The following CSMD1 variants were observed in gnomAD, a reference collection of about 807,000 sequenced individuals.
CSMD1 encodes CUB and Sushi multiple domains 1.
In CSMD1, 213 loss-of-function variants were observed where a neutral mutation model predicts 417.5. The observed-to-expected ratio is 0.51, with a 90% CI of 0.46 to 0.57. The LOEUF is 0.57. Ranked by LOEUF, CSMD1 falls within the 20% of genes least tolerant of loss-of-function variation. The pLI, the probability that CSMD1 is intolerant of heterozygous loss-of-function variation, is 0.00. For missense variants in CSMD1, 6,923 were observed against 4,529.7 expected (o/e 1.53, Z -15.17); for synonymous variants, 2,862 against 1,736.8 (o/e 1.65, Z -16.11).
At chr8:4,351,459 G>C (rs567132879) in intron 3 of CSMD1, among the ~76,000 whole-genome samples, 31 of 152,352 alleles carry the variant, frequency 2.0e-4, no homozygotes, top group African/African-American at 7.2e-4. Flanking sequence ...CTAAAAAGCA[G>C]AGTTCCATAG....
At chr8:4,403,361 C>G (rs185738575) in intron 3 of CSMD1, among the ~76,000 whole-genome samples, 1 of 152,142 alleles carries the variant, frequency 6.6e-6, no homozygotes, top group Non-Finnish European at 1.5e-5. Context: ...ATAAGGAAGT[C>G]TCTACTTGAC....
intron 3 of CSMD1, among the ~76,000 whole-genome samples, chr8:4,220,835 G>C (rs1327347025): frequency 2.0e-5 from 3 of 152,216 alleles, no homozygotes; most frequent in East Asian, 1.9e-4. Context: ...GGCTGAGTGA[G>C]AACTACAAGA....
At chr8:4,892,156 C>T (rs918769366) in intron 1 of CSMD1, among the ~76,000 whole-genome samples, 3 of 152,042 alleles carry the variant, frequency 2.0e-5, no homozygotes, top group East Asian at 1.9e-4. Context: ...GCAATTTGAA[C>T]AAAGTAGTTT....
chr8:3,188,208 A>G (rs1796191132), intron 35 of CSMD1, among the ~76,000 whole-genome samples: 1 of 123,428 alleles, frequency 8.1e-6, no homozygotes, highest in Non-Finnish European at 1.7e-5. Context: ...CATGAAAATC[A>G]TCTACATGTC....
chr8:4,523,320 A>G (rs1803579554), intron 2 of CSMD1, among the ~76,000 whole-genome samples: 1 of 152,182 alleles, frequency 6.6e-6, no homozygotes, highest in South Asian at 2.1e-4. Context: ...GAAACTGTAT[A>G]CATAATAGAC....
rs904229171 is a variant in CSMD1 at position 4,947,107 on chromosome 8, T to C, written c.85+47225A>G. 1.5e-4 allele frequency among the ~76,000 whole-genome samples: 23 copies of C among 152,178 alleles called. 1 individual carries two copies. The highest frequency in any genetic ancestry group is 6.6e-5 in the Admixed American group (1 of 15,266). On this transcript the variant is annotated intron_variant, in intron 1 of 69. Coordinates refer to ENST00000635120, the MANE Select transcript of CSMD1 (RefSeq NM_033225.6). ...CCATTTGTAGTTACATAGTCATCTA[T>C]AACTACTTGTATCCATCTGTGCATA...
intron 3 of CSMD1, among the ~76,000 whole-genome samples, chr8:4,265,731 T>C (rs1000561349): frequency 9.5e-6 from 1 of 104,762 alleles, no homozygotes; most frequent in African/African-American, 2.6e-5. Context: ...TAATGCAACA[T>C]AAAATGTTTG....
intron 3 of CSMD1, among the ~76,000 whole-genome samples, chr8:4,277,222 C>G (rs1169649779): frequency 1.3e-5 from 2 of 151,826 alleles, no homozygotes; most frequent in African/African-American, 4.8e-5. Flanking sequence ...TATATACACA[C>G]AGACACATAC....
chr8:4,584,320 C>T (rs1298706384), intron 2 of CSMD1, among the ~76,000 whole-genome samples: 1 of 151,912 alleles, frequency 6.6e-6, no homozygotes, highest in Non-Finnish European at 1.5e-5. Context: ...TCGCCTATCG[C>T]CGAGTAGTGA....
intron 49 of CSMD1, among the ~76,000 whole-genome samples, chr8:3,055,251 T>G (rs911265410): frequency 6.6e-6 from 1 of 152,178 alleles, no homozygotes; most frequent in African/African-American, 2.4e-5. Context: ...ATCTGGATGC[T>G]TATTTGAGAA....
chr8:4,312,483 A>G lies in CSMD1; in HGVS notation c.415+107470T>C, dbSNP rs561764324. Among the ~76,000 whole-genome samples, 21 of 150,042 alleles carry G rather than the reference A, an allele frequency of 1.4e-4. No individual in the cohort carries two copies. In the East Asian group the frequency reaches 2.1e-3, roughly 15 times the overall value. ...TATGCGCGTATATATATATATACAC[A>G]TATAGAACTCTATGTTTCCAGTTTT... On this transcript the variant is annotated intron_variant, in intron 3 of 69. Coordinates refer to ENST00000635120, the MANE Select transcript of CSMD1 (RefSeq NM_033225.6).
intron 2 of CSMD1, among the ~76,000 whole-genome samples, chr8:4,446,830 C>T (rs956733708): frequency 1.3e-5 from 2 of 149,244 alleles, no homozygotes; most frequent in African/African-American, 4.9e-5. Flanking sequence ...TCCATCTTGG[C>T]CAGACTGGTC....
intron 10 of CSMD1, among the ~76,000 whole-genome samples, chr8:3,513,930 G>A (rs186018445): frequency 1.3e-5 from 2 of 152,252 alleles, no homozygotes; most frequent in East Asian, 1.9e-4. Flanking sequence ...ATAAGAAGGG[G>A]CCATTAGAAG....
chr8:4,666,360 G>A (rs1804933487), intron 1 of CSMD1, among the ~76,000 whole-genome samples: 1 of 152,138 alleles, frequency 6.6e-6, no homozygotes, highest in South Asian at 2.1e-4. Flanking sequence ...GGAAGAGGGA[G>A]GCAGAGTCAG....
intron 2 of CSMD1, among the ~76,000 whole-genome samples, chr8:4,597,926 G>A (rs959627660): frequency 6.6e-6 from 1 of 151,786 alleles, no homozygotes; most frequent in East Asian, 1.9e-4. Flanking sequence ...AATTATGGCT[G>A]CTCTTATAAT....
At chr8:4,697,327 C>T (rs913199224) in intron 1 of CSMD1, among the ~76,000 whole-genome samples, 7 of 152,098 alleles carry the variant, frequency 4.6e-5, no homozygotes, top group African/African-American at 1.4e-4. Flanking sequence ...GCCCTTCTCA[C>T]CAAAAGTTGC....
chr8:4,204,527 C>T (rs528763490), intron 3 of CSMD1, among the ~76,000 whole-genome samples: 1 of 152,202 alleles, frequency 6.6e-6, no homozygotes, highest in East Asian at 1.9e-4. Context: ...ATTTCCTCAC[C>T]TTTCAAAGTG....
intron 5 of CSMD1, among the ~76,000 whole-genome samples, chr8:3,772,091 T>C (rs1798603110): frequency 6.6e-6 from 1 of 150,894 alleles, no homozygotes; most frequent in Non-Finnish European, 1.5e-5. Context: ...GCGGTTGATA[T>C]TAGGGTGATT....
At chr8:4,592,000 T>A (rs553233174) in intron 2 of CSMD1, among the ~76,000 whole-genome samples, 1 of 152,182 alleles carries the variant, frequency 6.6e-6, no homozygotes, top group African/African-American at 2.4e-5. Flanking sequence ...AGGCTGCAGG[T>A]CATGCAATGC....
Sources: allele counts gnomAD v4.1 joint callset (sites outside exome capture counted in the v4.1 genomes callset), GRCh38; gene constraint gnomAD v4.1.1; transcripts MANE v1.5; gene names NCBI Gene and HGNC (gene_info 2026-07-23, HGNC 2026-07-21).